CNTNAP2: variants seen among roughly 807,000 people sequenced by gnomAD.
CNTNAP2 encodes contactin-associated protein-like 2.
Under a neutral mutation model 155.2 loss-of-function variants are expected in CNTNAP2, and 98 were observed. The ratio of observed to expected loss-of-function variants is 0.63; its 90% confidence interval spans 0.54 to 0.75. The LOEUF (loss-of-function observed/expected upper bound fraction) is 0.75. CNTNAP2 is among the 30% of genes least tolerant of loss of function. The pLI, the probability that CNTNAP2 is intolerant of heterozygous loss-of-function variation, is 0.00. For missense variants in CNTNAP2, 1,727 were observed against 1,688.1 expected (o/e 1.02, Z -0.40); for synonymous variants, 651 against 631.2 (o/e 1.03, Z -0.47).
intron 10 of CNTNAP2, among the ~76,000 whole-genome samples, chr7:147,409,788 T>TG (rs1797071827): frequency 6.8e-6 from 1 of 147,568 alleles, no homozygotes; most frequent in East Asian, 2.0e-4. Context: ...TGAACCATCA[T>TG]GAAAAAAAAA....
chr7:146,393,411 G>A (rs1021288218), intron 1 of CNTNAP2, among the ~76,000 whole-genome samples: 1 of 152,168 alleles, frequency 6.6e-6, no homozygotes. Context: ...TTCTTTGGCA[G>A]TAGAGACCTT....
chr7:146,678,151 C>T (rs1202331273), intron 1 of CNTNAP2, among the ~76,000 whole-genome samples: 2 of 152,054 alleles, frequency 1.3e-5, no homozygotes, highest in South Asian at 2.1e-4. Flanking sequence ...TCACTGCAAC[C>T]TCTGCCTCCC....
At chr7:146,665,788 A>AAAAAAAAAAAAAAAAAAAAAAAAAAAAAC (rs1328734569) in intron 1 of CNTNAP2, among the ~76,000 whole-genome samples, 9 of 142,122 alleles carry the variant, frequency 6.3e-5, no homozygotes, top group African/African-American at 1.1e-4. Flanking sequence ...CTCATTAAAA[A>AAAAAAAAAAAAAAAAAAAAAAAAAAAAAC]AAAAAAAAAA....
At chr7:147,589,384 A>G (rs1800696329) in intron 12 of CNTNAP2, among the ~76,000 whole-genome samples, 1 of 152,108 alleles carries the variant, frequency 6.6e-6, no homozygotes, top group Non-Finnish European at 1.5e-5. Context: ...TTACAATAAT[A>G]TAATAAAGGC....
intron 11 of CNTNAP2, among the ~76,000 whole-genome samples, chr7:147,495,446 G>A (rs1247098137): frequency 6.6e-6 from 1 of 152,154 alleles, no homozygotes; most frequent in Non-Finnish European, 1.5e-5. Context: ...AATAGAGCTG[G>A]TTTACTAGCA....
chr7:146,410,884 G>T (rs1275227702), intron 1 of CNTNAP2, among the ~76,000 whole-genome samples: 1 of 152,074 alleles, frequency 6.6e-6, no homozygotes, highest in African/African-American at 2.4e-5. Context: ...TCTGTGCCTG[G>T]CTTACTTCAC....
intron 3 of CNTNAP2, among the ~76,000 whole-genome samples, chr7:147,037,169 GAAGTAA>G (rs1799165898): frequency 6.6e-6 from 1 of 151,824 alleles, no homozygotes; most frequent in Non-Finnish European, 1.5e-5. Context: ...AATAAGGAGA[GAAGTAA>G]AATATGAACA....
intron 13 of CNTNAP2, among the ~76,000 whole-genome samples, chr7:147,893,714 C>T (rs1267797773): frequency 6.6e-6 from 1 of 152,136 alleles, no homozygotes; most frequent in Non-Finnish European, 1.5e-5. Flanking sequence ...ACAAAAAAAT[C>T]AGAAGTTATT....
intron 1 of CNTNAP2, among the ~76,000 whole-genome samples, chr7:146,480,575 C>T (rs1796944177): frequency 6.6e-6 from 1 of 151,496 alleles, no homozygotes. Context: ...TTGCAGAATG[C>T]AAGCTCCCAC....
chr7:147,088,554 C>G (rs1800329719), intron 4 of CNTNAP2, among the ~76,000 whole-genome samples: 1 of 152,134 alleles, frequency 6.6e-6, no homozygotes, highest in South Asian at 2.1e-4. Flanking sequence ...TAAACTAAAT[C>G]AGATTCTAAA....
intron 3 of CNTNAP2, among the ~76,000 whole-genome samples, chr7:146,841,414 C>A (rs975996230): frequency 6.6e-6 from 1 of 151,966 alleles, no homozygotes. Context: ...GCCAACCAAC[C>A]AAACAGCAGA....
At position 147,151,840 on chromosome 7, in the gene CNTNAP2, A is replaced by G. The variant is rs375249532; in HGVS notation, c.1348+19331A>G. The stretch of plus-strand genomic sequence containing the variant: ...TTTCACTGCTCCTGAGCAGTTACAA[A>G]CACAGCACAGAGCTGGGAAGAGCAG... On this transcript the variant is annotated intron_variant, in intron 8 of 23. Transcript: ENST00000361727. Among the ~76,000 whole-genome samples the G allele has an allele frequency of 1.1e-4, 17 of 152,310 alleles. No individual in the cohort carries two copies. In the East Asian group the frequency reaches 3.3e-3, roughly 29 times the overall value.
intron 5 of CNTNAP2, among the ~76,000 whole-genome samples, chr7:147,115,284 T>C (rs1054422866): frequency 6.6e-6 from 1 of 152,128 alleles, no homozygotes; most frequent in Non-Finnish European, 1.5e-5. Context: ...GAGAATCTGA[T>C]GATTATGTGT....
At chr7:148,198,004 G>C (rs1795304132) in intron 18 of CNTNAP2, among the ~76,000 whole-genome samples, 2 of 152,228 alleles carry the variant, frequency 1.3e-5, no homozygotes, top group Admixed American at 1.3e-4. Flanking sequence ...GGAGCCACTG[G>C]AGCCTTAATC....
chr7:147,428,709 G>A lies in CNTNAP2; in HGVS notation c.1670+32929G>A, dbSNP rs147834436. The stretch of plus-strand genomic sequence containing the variant: ...ATGCTTTAGAAAGATAAGGAGACAA[G>A]AGGAAGAATCCCCCTGTGTTTTATG... On this transcript the variant is annotated intron_variant, in intron 10 of 23. Coordinates refer to ENST00000361727, the MANE Select transcript of CNTNAP2 (RefSeq NM_014141.6). 2.5e-4 allele frequency among the ~76,000 whole-genome samples: 38 copies of A among 152,278 alleles called. 1 individual carries two copies. The South Asian group carries it at 6.4e-3, about 26-fold the overall frequency.
chr7:148,271,293 T>C (rs1796775203), intron 21 of CNTNAP2, among the ~76,000 whole-genome samples: 2 of 152,330 alleles, frequency 1.3e-5, no homozygotes, highest in Admixed American at 6.5e-5. Flanking sequence ...ACTATTGACA[T>C]TTTGGATCAG....
intron 3 of CNTNAP2, among the ~76,000 whole-genome samples, chr7:147,013,749 CTCTA>C (rs1584783413): frequency 6.6e-6 from 1 of 152,126 alleles, no homozygotes; most frequent in Non-Finnish European, 1.5e-5. Flanking sequence ...TACCGTTTAA[CTCTA>C]TCTATACTTC....
chr7:148,005,148 T>C (rs1389375949), intron 15 of CNTNAP2, among the ~76,000 whole-genome samples: 2 of 152,130 alleles, frequency 1.3e-5, no homozygotes, highest in Non-Finnish European at 2.9e-5. Flanking sequence ...ACCAGAAGCC[T>C]GAGCCCAGGC....
chr7:147,584,344 T>G (rs1405417618), intron 12 of CNTNAP2, among the ~76,000 whole-genome samples: 3 of 152,218 alleles, frequency 2.0e-5, no homozygotes, highest in Admixed American at 2.0e-4. Flanking sequence ...ATACATTTAT[T>G]AGACATTTTA....
Sources: gnomAD v4.1 joint callset for allele counts (sites outside exome capture counted in the v4.1 genomes callset) on GRCh38, gnomAD v4.1.1 for gene constraint, MANE v1.5 for transcripts, NCBI Gene and HGNC (gene_info 2026-07-23, HGNC 2026-07-21) for gene names.